PSPC1: variants seen among roughly 807,000 people sequenced by gnomAD.
PSPC1 encodes the protein paraspeckle protein 1.
In PSPC1, 14 loss-of-function variants were observed where a neutral mutation model predicts 51.6. The ratio of observed to expected loss-of-function variants is 0.27; its 90% CI spans 0.18 to 0.42. The LOEUF is 0.42. PSPC1 is among the 10% of genes least tolerant of loss of function. The pLI is 1.00. For missense variants in PSPC1, 406 were observed against 701.1 expected (o/e 0.58, Z 4.75); for synonymous variants, 193 against 231.9 (o/e 0.83, Z 1.53).
chr13:19,766,689 C>T (rs918205806), intron 2 of PSPC1, among the ~76,000 whole-genome samples: 4 of 151,482 alleles, frequency 2.6e-5, no homozygotes, highest in African/African-American at 9.7e-5. Context: ...AAAAAGCTAT[C>T]AATAAGAAAT....
intron 6 of PSPC1, among the ~76,000 whole-genome samples, chr13:19,711,393 T>G (rs1241248749): frequency 2.6e-5 from 4 of 151,764 alleles, no homozygotes; most frequent in Non-Finnish European, 5.9e-5. Flanking sequence ...TCCCAGCACT[T>G]TGGGAGGCCG....
chr13:19,729,828 T>G (rs1291895566), intron 6 of PSPC1, among the ~76,000 whole-genome samples: 2 of 152,192 alleles, frequency 1.3e-5, no homozygotes, highest in Non-Finnish European at 2.9e-5. Flanking sequence ...GTGGTTATAC[T>G]TAAAGATGTA....
chr13:19,710,665 C>A (rs1427268212), intron 6 of PSPC1, among the ~76,000 whole-genome samples: 1 of 152,006 alleles, frequency 6.6e-6, no homozygotes, highest in African/African-American at 2.4e-5. Flanking sequence ...GCCATTAAGC[C>A]ACAAGTGGCT....
intron 4 of PSPC1, 127 bp downstream of exon 4, chr13:19,751,144 T>C (rs1370337965): frequency 3.4e-4 from 217 of 638,426 alleles, no homozygotes; most frequent in Non-Finnish European, 1.6e-4. Flanking sequence ...TTTTCACACC[T>C]AATATGTTGA....
chr13:19,690,971 A>G (rs1398392972), intron 6 of PSPC1, among the ~76,000 whole-genome samples: 1 of 152,188 alleles, frequency 6.6e-6, no homozygotes, highest in Non-Finnish European at 1.5e-5. Flanking sequence ...GCCACTTACT[A>G]GACTTCAAAC....
intron 6 of PSPC1, among the ~76,000 whole-genome samples, chr13:19,724,461 A>C (rs759766283): frequency 2.0e-5 from 3 of 152,222 alleles, no homozygotes; most frequent in Non-Finnish European, 4.4e-5. Flanking sequence ...GAGGCAGGAA[A>C]AGAGGCTGAC....
chr13:19,733,816 G>A (rs1482233975), intron 5 of PSPC1, among the ~76,000 whole-genome samples: 3 of 150,722 alleles, frequency 2.0e-5, no homozygotes, highest in South Asian at 2.1e-4. Flanking sequence ...AGGCAGGTAT[G>A]GTGGCACACG....
In PSPC1 at chr13:19,780,175, G is replaced by A. The variant is rs1159737625; in HGVS notation, c.372+2211C>T. ...CCCCGCCCGGCCAGCCGCCCCGTCC[G>A]GGAGGGAGGTGGGGGGGGTCAGCCC... On this transcript the variant is annotated intron_variant, in intron 1 of 8. Coordinates refer to ENST00000338910, the MANE Select transcript of PSPC1 (RefSeq NM_001354909.2). Among the ~76,000 whole-genome samples the A allele has an allele frequency of 5.2e-3, 521 of 99,354 alleles. 1 individual carries two copies. Among genetic ancestry groups the A allele is most frequent in the African/African-American group, 9.1e-3 (277 of 30,422 alleles). 65.2% of individuals were successfully genotyped at this position (99,354 alleles called of 152,430 possible). A position where few individuals can be genotyped will look rare whatever the true frequency, so the allele number is the denominator to read the frequency against.
intron 5 of PSPC1, among the ~76,000 whole-genome samples, chr13:19,739,032 A>G (rs1885147251): frequency 1.3e-5 from 2 of 152,190 alleles, no homozygotes; most frequent in African/African-American, 2.4e-5. Flanking sequence ...CACAGATACA[A>G]AAGACTGTAG....
downstream of PSPC1, among the ~76,000 whole-genome samples, chr13:19,698,400 G>C (rs996910906): frequency 5.9e-5 from 9 of 151,636 alleles, no homozygotes; most frequent in African/African-American, 2.2e-4. Flanking sequence ...AAAATATAAG[G>C]TCCACTTATA....
At chr13:19,724,092 T>C (rs1037307808) in intron 6 of PSPC1, among the ~76,000 whole-genome samples, 2 of 152,236 alleles carry the variant, frequency 1.3e-5, no homozygotes, top group African/African-American at 2.4e-5. Flanking sequence ...TGTCTTTTGT[T>C]TGAATGCTTC....
At chr13:19,675,947 T>C (rs1004886370) in intron 7 of PSPC1, 5 of 152,260 alleles carry the variant, frequency 3.3e-5, no homozygotes, top group African/African-American at 1.2e-4. Flanking sequence ...CGGTTACTTT[T>C]CACTGACTTT....
chr13:19,744,190 G>C (rs1355038261), intron 4 of PSPC1, among the ~76,000 whole-genome samples: 1 of 152,048 alleles, frequency 6.6e-6, no homozygotes, highest in Non-Finnish European at 1.5e-5. Flanking sequence ...GGCTGGAGTA[G>C]AGTGGCATGA....
At chr13:19,773,433 T>C (rs1002889936) in intron 1 of PSPC1, among the ~76,000 whole-genome samples, 2 of 151,732 alleles carry the variant, frequency 1.3e-5, no homozygotes, top group African/African-American at 4.8e-5. Flanking sequence ...GTATTTTTAG[T>C]AGAGACGGGG....
intron 3 of PSPC1, among the ~76,000 whole-genome samples, chr13:19,752,086 G>A (rs1271514342): frequency 1.3e-5 from 2 of 152,106 alleles, no homozygotes; most frequent in Non-Finnish European, 2.9e-5. Context: ...ACAAAGGAAA[G>A]TCTGGAACAC....
At chr13:19,773,146 C>A (rs1002406287) in intron 1 of PSPC1, among the ~76,000 whole-genome samples, 3 of 151,728 alleles carry the variant, frequency 2.0e-5, no homozygotes, top group African/African-American at 7.3e-5. Flanking sequence ...GTGAACAGAG[C>A]AAGACTCTGT....
intron 6 of PSPC1, among the ~76,000 whole-genome samples, chr13:19,679,263 G>C (rs1028600846): frequency 6.6e-6 from 1 of 152,176 alleles, no homozygotes; most frequent in Non-Finnish European, 1.5e-5. Flanking sequence ...GAGAGGCTGA[G>C]GTGGGCAGAT....
At chr13:19,759,718 C>T (rs888285033) in intron 2 of PSPC1, among the ~76,000 whole-genome samples, 3 of 151,752 alleles carry the variant, frequency 2.0e-5, no homozygotes, top group Non-Finnish European at 2.9e-5. Flanking sequence ...AAAAATTAGC[C>T]GGGCATTGTG....
chr13:19,768,994 G>A (rs1239810598), intron 2 of PSPC1, among the ~76,000 whole-genome samples: 1 of 148,688 alleles, frequency 6.7e-6, no homozygotes, highest in Non-Finnish European at 1.5e-5. Context: ...AAAAAAATTA[G>A]CCAGGCATAG....
Sources: allele counts gnomAD v4.1 joint callset (sites outside exome capture counted in the v4.1 genomes callset), GRCh38; gene constraint gnomAD v4.1.1; transcripts MANE v1.5; gene names NCBI Gene and HGNC (gene_info 2026-07-23, HGNC 2026-07-21).